PRORP: variants seen among roughly 807,000 people sequenced by gnomAD.
PRORP encodes the protein protein only RNase P catalytic subunit, also known as mitochondrial ribonuclease P catalytic subunit.
Under a neutral mutation model 59.4 loss-of-function variants are expected in PRORP, and 51 were observed. The ratio of observed to expected loss-of-function variants is 0.86; its 90% confidence interval spans 0.69 to 1.08. The LOEUF is 1.08. Among genes scored for constraint, PRORP ranks in the 50% least tolerant of loss-of-function variants. PRORP has a pLI of 0.00. For synonymous variants in PRORP, 231 were observed against 245.6 expected (o/e 0.94, Z 0.55); for missense variants, 646 against 690.3 (o/e 0.94, Z 0.72).
intron 5 of PRORP, among the ~76,000 whole-genome samples, chr14:35,264,571 A>C (rs2050992547): frequency 6.6e-6 from 1 of 152,084 alleles, no homozygotes; most frequent in African/African-American, 2.4e-5. Context: ...TCTATGTCTT[A>C]ATTATAGAAC....
chr14:35,272,539 G>A (rs998598645), intron 7 of PRORP, among the ~76,000 whole-genome samples: 1 of 152,102 alleles, frequency 6.6e-6, no homozygotes, highest in Admixed American at 6.5e-5. Context: ...TATAGTTGAA[G>A]AACTATTAAT....
intron 5 of PRORP, among the ~76,000 whole-genome samples, chr14:35,212,708 A>G (rs578145004): frequency 6.6e-6 from 1 of 152,240 alleles, no homozygotes; most frequent in African/African-American, 2.4e-5. Flanking sequence ...GATTTAGCAT[A>G]ATTCTTAAGG....
intron 5 of PRORP, among the ~76,000 whole-genome samples, chr14:35,187,098 A>G (rs2048760466): frequency 6.6e-6 from 1 of 152,186 alleles, no homozygotes. Flanking sequence ...CTTGGCTATT[A>G]TGAGTAATGC....
At chr14:35,180,824 A>G (rs776449062) in intron 5 of PRORP, 47 bp downstream of exon 5, 3 of 1,248,588 alleles carry the variant, frequency 2.4e-6, no homozygotes, top group Non-Finnish European at 2.3e-6. Context: ...AGAAATATTT[A>G]TTATACCCAT....
At chr14:35,262,220 C>T (rs2050924604) in intron 5 of PRORP, among the ~76,000 whole-genome samples, 1 of 151,656 alleles carries the variant, frequency 6.6e-6, no homozygotes. Context: ...CTGTGTTGCC[C>T]AGGCTGGTCC....
chr14:35,137,761 G>A (rs1336985897), intron 4 of PRORP, among the ~76,000 whole-genome samples: 1 of 145,104 alleles, frequency 6.9e-6, no homozygotes, highest in Non-Finnish European at 1.5e-5. Context: ...GTTAGATGTG[G>A]CACATGATAG....
At chr14:35,193,863 T>A (rs1054367005) in intron 5 of PRORP, among the ~76,000 whole-genome samples, 2 of 152,224 alleles carry the variant, frequency 1.3e-5, no homozygotes, top group Non-Finnish European at 2.9e-5. Context: ...TCTTAACATC[T>A]GGCTTTAGAG....
At chr14:35,158,703 A>G (rs1478292988) in intron 4 of PRORP, 2 of 389,834 alleles carry the variant, frequency 5.1e-6, no homozygotes, top group Admixed American at 6.2e-5. Flanking sequence ...ACGAGCTGCC[A>G]GCAATTACTA....
At chr14:35,203,186 C>T (rs2049201790) in intron 5 of PRORP, among the ~76,000 whole-genome samples, 1 of 152,162 alleles carries the variant, frequency 6.6e-6, no homozygotes, top group African/African-American at 2.4e-5. Flanking sequence ...ACTTGATGCA[C>T]TCAAAAGTTT....
At chr14:35,153,777 T>C (rs1212797719) in intron 4 of PRORP, among the ~76,000 whole-genome samples, 6 of 152,224 alleles carry the variant, frequency 3.9e-5, no homozygotes, top group Non-Finnish European at 5.9e-5. Context: ...TTTTGGTATA[T>C]GTAGAGTGCA....
At chr14:35,160,986 C>G (rs2048044901) in intron 4 of PRORP, among the ~76,000 whole-genome samples, 1 of 152,144 alleles carries the variant, frequency 6.6e-6, no homozygotes, top group Non-Finnish European at 1.5e-5. Context: ...CTGGAAACAA[C>G]TGAAATGTAG....
At chr14:35,207,759 A>G (rs1043159944) in intron 5 of PRORP, among the ~76,000 whole-genome samples, 9 of 152,156 alleles carry the variant, frequency 5.9e-5, no homozygotes, top group Admixed American at 2.6e-4. Context: ...GAAGATGTCT[A>G]TATCTATACC....
At chr14:35,256,023 C>T (rs1453732176) in intron 5 of PRORP, among the ~76,000 whole-genome samples, 3 of 151,900 alleles carry the variant, frequency 2.0e-5, no homozygotes, top group Admixed American at 6.6e-5. Flanking sequence ...CAGTGGTTCA[C>T]GCCTGTAATC....
intron 4 of PRORP, among the ~76,000 whole-genome samples, chr14:35,179,353 T>A (rs2048538869): frequency 6.6e-6 from 1 of 152,230 alleles, no homozygotes; most frequent in African/African-American, 2.4e-5. Context: ...GGTTCCATTC[T>A]CCCTGTCACT....
intron 5 of PRORP, among the ~76,000 whole-genome samples, chr14:35,202,411 C>T (rs1444999095): frequency 6.6e-6 from 1 of 151,986 alleles, no homozygotes; most frequent in Non-Finnish European, 1.5e-5. Context: ...GCCCAGTCAC[C>T]TTATGATTTT....
Position 35,252,374 on chromosome 14 carries a change from G to A in PRORP, c.1276-14353G>A, listed in dbSNP as rs371400566. On this transcript the variant is annotated intron_variant, in intron 5 of 7. Coordinates refer to ENST00000534898, the MANE Select transcript of PRORP (RefSeq NM_014672.4). ...GGACGTCAAGGCTGCAGTGAGCCAT[G>A]TTTGTGCCACTGCTGCACTCCAGCC... 3.5e-4 allele frequency among the ~76,000 whole-genome samples: 54 copies of A among 152,344 alleles called. 1 individual carries two copies. Among genetic ancestry groups the A allele is most frequent in the African/African-American group, 1.2e-3 (50 of 41,580 alleles).
chr14:35,247,597 T>A (rs766194055), intron 5 of PRORP, among the ~76,000 whole-genome samples: 73 of 152,288 alleles, frequency 4.8e-4, no homozygotes, highest in Middle Eastern at 3.4e-3. Context: ...CCTGACAGTA[T>A]TCATATACTT....
intron 5 of PRORP, among the ~76,000 whole-genome samples, chr14:35,237,297 T>G (rs1246305719): frequency 1.3e-5 from 2 of 152,054 alleles, no homozygotes; most frequent in African/African-American, 4.8e-5. Flanking sequence ...CTCCCTATGT[T>G]GCCCAGGCGG....
At chr14:35,222,101 TTC>T (rs1364796308) in intron 5 of PRORP, 1 of 117,784 alleles carries the variant, frequency 8.5e-6, no homozygotes, top group Non-Finnish European at 1.8e-5. Flanking sequence ...CAAAAATACT[TTC>T]TGTTATCTTT....
Sources: gnomAD v4.1 joint callset for allele counts (sites outside exome capture counted in the v4.1 genomes callset) on GRCh38, gnomAD v4.1.1 for gene constraint, MANE v1.5 for transcripts, NCBI Gene and HGNC (gene_info 2026-07-23, HGNC 2026-07-21) for gene names.